The following KDSR variants were observed in gnomAD, a reference collection of about 807,000 sequenced individuals.
KDSR encodes the protein 3-dehydrosphinganine reductase.
Under a neutral mutation model 41.3 loss-of-function variants are expected in KDSR, and 23 were observed. The ratio of observed to expected loss-of-function variants is 0.56; its 90% confidence interval spans 0.40 to 0.79. The LOEUF (loss-of-function observed/expected upper bound fraction) is 0.79, where lower values mean the gene tolerates loss of function less well. Ranked by LOEUF, KDSR falls within the 30% of genes least tolerant of loss-of-function variation. The pLI is 0.00. For synonymous variants in KDSR, 138 were observed against 151.7 expected (o/e 0.91, Z 0.66); for missense variants, 351 against 416.8 (o/e 0.84, Z 1.37).
intron 2 of KDSR, among the ~76,000 whole-genome samples, chr18:63,361,500 CT>C (rs1599339859): frequency 6.6e-6 from 1 of 152,022 alleles, no homozygotes; most frequent in East Asian, 1.9e-4. Flanking sequence ...CTAATTTTGT[CT>C]TTCTTGGTTT....
intron 1 of KDSR, chr18:63,366,581 CG>C: frequency 6.3e-6 from 1 of 157,890 alleles, no homozygotes; most frequent in Non-Finnish European, 1.4e-5. Context: ...TGCCCCCGCC[CG>C]GGGCCGCGCG....
chr18:63,345,277 C>G (rs573322569), intron 6 of KDSR: 1 of 152,512 alleles, frequency 6.6e-6, no homozygotes, highest in African/African-American at 2.4e-5. Context: ...GGTTGTTACA[C>G]TTGTGTGCCT....
intron 6 of KDSR, among the ~76,000 whole-genome samples, chr18:63,347,724 A>C (rs1381180755): frequency 6.6e-6 from 1 of 152,050 alleles, no homozygotes; most frequent in Non-Finnish European, 1.5e-5. Context: ...AGGGAGCATC[A>C]GTTTGTTTTT....
At chr18:63,332,984 A>T (rs1028773501) in intron 9 of KDSR, among the ~76,000 whole-genome samples, 1 of 152,146 alleles carries the variant, frequency 6.6e-6, no homozygotes, top group Non-Finnish European at 1.5e-5. Flanking sequence ...CACAGAGAAG[A>T]TTCCAAAAAG....
In KDSR at chr18:63,355,357, C is replaced by G. The variant is rs939059595; in HGVS notation, c.322-58G>C. 5.0e-6 allele frequency: 8 copies of G among 1,602,516 alleles called. No individual in the cohort carries two copies. The African/African-American group carries it at 9.4e-5, about 19-fold the overall frequency. ...ACAGAGAAGAAAAACCACTCAGCAG[C>G]AAATCCATGCTGATAAATAAAATTT... On this transcript the variant is annotated intron_variant, in intron 4 of 9. Coordinates refer to ENST00000645214, the MANE Select transcript of KDSR (RefSeq NM_002035.4).
chr18:63,366,141 A>C (rs185690376), intron 1 of KDSR: 1 of 152,216 alleles, frequency 6.6e-6, no homozygotes, highest in Non-Finnish European at 1.5e-5. Context: ...TGCAAACGGG[A>C]AAGTGCTGGG....
At chr18:63,366,354 C>T in intron 1 of KDSR, 1 of 152,490 alleles carries the variant, frequency 6.6e-6, no homozygotes. Context: ...TCAGCAGATG[C>T]CACGCTGAGC....
intron 6 of KDSR, among the ~76,000 whole-genome samples, chr18:63,348,511 T>C (rs1385110318): frequency 6.6e-6 from 1 of 152,148 alleles, no homozygotes; most frequent in Non-Finnish European, 1.5e-5. Context: ...CTGCGTTCGT[T>C]TTCCCCAGAA....
rs1212120766 is a variant in KDSR at position 63,344,498 on chromosome 18, A to G, written c.610-5T>C. On this transcript the variant is annotated splice_polypyrimidine_tract_variant and splice_region_variant and intron_variant, in intron 6 of 9. Transcript: ENST00000645214. ...GTAGACATTATATGGCTTCACCTGC[A>G]TTTCAAAACAACACGTGTACCTTCA... 2 of 1,608,336 alleles carry G rather than the reference A, an allele frequency of 1.2e-6. No individual in the cohort carries two copies. The highest frequency in any genetic ancestry group is 1.3e-5 in the African/African-American group (1 of 74,804).
At chr18:63,364,468 C>A (rs577009710) in intron 1 of KDSR, among the ~76,000 whole-genome samples, 34 of 148,996 alleles carry the variant, frequency 2.3e-4, no homozygotes, top group Non-Finnish European at 4.0e-4. Flanking sequence ...TTTTTTGAGA[C>A]AGTCTTGCTC....
intron 6 of KDSR, among the ~76,000 whole-genome samples, chr18:63,349,922 T>C (rs187886720): frequency 6.6e-6 from 1 of 152,356 alleles, no homozygotes; most frequent in Admixed American, 6.5e-5. Context: ...AAACCTAACA[T>C]ATATACTGTC....
intron 3 of KDSR, chr18:63,359,503 C>A: frequency 2.6e-6 from 1 of 391,950 alleles, no homozygotes; most frequent in Non-Finnish European, 4.5e-6. Context: ...AAATTATTTG[C>A]CAGTAAAACA....
chr18:63,327,840 A>G lies in KDSR; in HGVS notation c.*3942T>C, dbSNP rs1913851691. ...AAAAGCTTCTAAAGTAGCAAACACA[A>G]CTTTGTGTATCAAAATAGCCATGTG... On this transcript the variant is annotated 3_prime_UTR_variant, in exon 10 of 10. Transcript: ENST00000645214. 5.1e-6 allele frequency: 1 copy of G among 195,500 alleles called. No homozygotes were observed. Among genetic ancestry groups the G allele is most frequent in the Non-Finnish European group, 1.1e-5 (1 of 93,982 alleles). 12.1% of individuals were successfully genotyped at this position (195,500 alleles called of 1,614,324 possible). A position where few individuals can be genotyped will look rare whatever the true frequency, so the allele number is the denominator to read the frequency against.
rs1913953958 is a variant in KDSR, at chr18:63,330,759, T to C, written c.*1023A>G. 1 of 229,768 alleles carries C rather than the reference T, an allele frequency of 4.4e-6. No individual in the cohort carries two copies. Among genetic ancestry groups the C allele is most frequent in the South Asian group, 1.8e-4 (1 of 5,498 alleles). The allele number at this position is 229,768 out of a possible 1,614,324, so 14.2% of individuals were successfully genotyped here. A position where few individuals can be genotyped will look rare whatever the true frequency, so the allele number is the denominator to read the frequency against. On this transcript the variant is annotated 3_prime_UTR_variant, in exon 10 of 10. Transcript: ENST00000645214. ...TTTTTCATTTGCTTTAATTAATTCA[T>C]GAGTTAAGTTAAAAAGTCAAGTCGA... is the stretch of plus-strand genomic sequence containing the variant.
At chr18:63,348,116 C>T (rs1010769308) in intron 6 of KDSR, among the ~76,000 whole-genome samples, 4 of 151,916 alleles carry the variant, frequency 2.6e-5, no homozygotes, top group Admixed American at 6.6e-5. Flanking sequence ...GCGAGCGAGA[C>T]CCCATGTCTA....
chr18:63,358,841 C>T (rs1429134608), intron 3 of KDSR, among the ~76,000 whole-genome samples: 1 of 114,828 alleles, frequency 8.7e-6, no homozygotes, highest in Non-Finnish European at 1.8e-5. Flanking sequence ...AAGAACTAAA[C>T]AATATATTAT....
In KDSR at chr18:63,350,694, C is replaced by T. The variant is rs113473033; in HGVS notation, c.609+194G>A. ...AATCCCATTACCATTTTGCATCTGT[C>T]GTTAACTATAGTCTTCATGCAATGA... On this transcript the variant is annotated intron_variant, in intron 6 of 9. Transcript: ENST00000645214. 5.9e-3 allele frequency among the ~76,000 whole-genome samples: 906 copies of T among 152,272 alleles called. 10 individuals carry two copies. The highest frequency in any genetic ancestry group is 0.019 in the African/African-American group (778 of 41,570).
At chr18:63,348,504 C>T (rs1225276920) in intron 6 of KDSR, among the ~76,000 whole-genome samples, 3 of 151,968 alleles carry the variant, frequency 2.0e-5, no homozygotes, top group Non-Finnish European at 4.4e-5. Flanking sequence ...TTGATGACTG[C>T]GTTCGTTTTC....
chr18:63,359,932 T>C (rs1233730848), intron 2 of KDSR, 140 bp from the exon 3 acceptor site: 4 of 660,754 alleles, frequency 6.1e-6, no homozygotes, highest in Admixed American at 4.5e-5. Flanking sequence ...CTACATTGCA[T>C]AGACAGACTG....
Sources: allele counts gnomAD v4.1 joint callset (sites outside exome capture counted in the v4.1 genomes callset), GRCh38; gene constraint gnomAD v4.1.1; transcripts MANE v1.5; gene names NCBI Gene and HGNC (gene_info 2026-07-23, HGNC 2026-07-21).